DAB1: variants seen among roughly 807,000 people sequenced by gnomAD.
DAB1 encodes the protein DAB adaptor protein 1, also known as disabled homolog 1.
A neutral mutation model predicts 64.6 loss-of-function variants in DAB1; 15 were observed. That is an observed-to-expected ratio of 0.23 (90% CI 0.16 to 0.36). DAB1 has a LOEUF of 0.36. Ranked by LOEUF, DAB1 falls within the 10% of genes least tolerant of loss-of-function variation. The pLI, the probability that DAB1 is intolerant of heterozygous loss-of-function variation, is 1.00. For missense variants in DAB1, 596 were observed against 706.7 expected (o/e 0.84, Z 1.78); for synonymous variants, 235 against 251.9 (o/e 0.93, Z 0.64).
intron 6 of DAB1, among the ~76,000 whole-genome samples, chr1:57,675,748 A>G (rs1342170935): frequency 1.3e-5 from 2 of 152,226 alleles, no homozygotes; most frequent in African/African-American, 4.8e-5. Flanking sequence ...AATATAGTTC[A>G]TTATATAATA....
At chr1:57,415,751 G>A (rs1052496995) in intron 1 of DAB1, among the ~76,000 whole-genome samples, 6 of 152,096 alleles carry the variant, frequency 3.9e-5, no homozygotes, top group African/African-American at 7.2e-5. Context: ...AACATGGCCT[G>A]CAATTCAAGA....
At chr1:58,000,579 T>TG (rs1646492346) in intron 5 of DAB1, among the ~76,000 whole-genome samples, 1 of 145,166 alleles carries the variant, frequency 6.9e-6, no homozygotes. Context: ...TTTTTTTTTT[T>TG]TTTTTTTTTG....
chr1:57,408,784 G>A (rs1050569932), intron 1 of DAB1, among the ~76,000 whole-genome samples: 2 of 152,084 alleles, frequency 1.3e-5, no homozygotes, highest in East Asian at 1.9e-4. Context: ...TTATTTTCCC[G>A]CTCTATGAAC....
chr1:57,891,481 C>T (rs1326088475), intron 5 of DAB1, among the ~76,000 whole-genome samples: 1 of 152,136 alleles, frequency 6.6e-6, no homozygotes, highest in African/African-American at 2.4e-5. Flanking sequence ...CTAGAATTAC[C>T]ATTTGACCCA....
chr1:58,120,081 T>C (rs934534503), intron 5 of DAB1, among the ~76,000 whole-genome samples: 1 of 152,204 alleles, frequency 6.6e-6, no homozygotes, highest in Non-Finnish European at 1.5e-5. Context: ...TCTTTTGTGA[T>C]CAGGCATTTT....
intron 3 of DAB1, among the ~76,000 whole-genome samples, chr1:58,495,637 T>C (rs1238251751): frequency 6.6e-6 from 1 of 152,070 alleles, no homozygotes; most frequent in South Asian, 2.1e-4. Context: ...AAGAGCACTG[T>C]TGCAACCAAG....
intron 9 of DAB1, among the ~76,000 whole-genome samples, chr1:57,055,856 G>C (rs1179153058): frequency 6.6e-6 from 1 of 152,114 alleles, no homozygotes; most frequent in Non-Finnish European, 1.5e-5. Context: ...GCCTACCTTA[G>C]AAACAGTCTA....
chr1:57,020,109 C>CA (rs973372522), intron 11 of DAB1, among the ~76,000 whole-genome samples: 1,621 of 146,332 alleles, frequency 0.011, 33 homozygotes, highest in African/African-American at 0.037. Flanking sequence ...AAACAGTCAC[C>CA]AAAAAAAAAA....
At chr1:57,494,525 C>T (rs893411119) in intron 7 of DAB1, among the ~76,000 whole-genome samples, 1 of 152,220 alleles carries the variant, frequency 6.6e-6, no homozygotes, top group Non-Finnish European at 1.5e-5. Flanking sequence ...AACTGAGAAT[C>T]CCATTTGTGT....
chr1:57,122,616 T>A (rs1194979381), intron 4 of DAB1, among the ~76,000 whole-genome samples: 2 of 151,998 alleles, frequency 1.3e-5, no homozygotes, highest in Non-Finnish European at 2.9e-5. Flanking sequence ...AACTGATGAG[T>A]GCCATGGGAA....
intron 1 of DAB1, among the ~76,000 whole-genome samples, chr1:57,835,188 A>AC (rs1652756677): frequency 6.6e-6 from 1 of 152,168 alleles, no homozygotes; most frequent in Non-Finnish European, 1.5e-5. Context: ...AGACTAAAGA[A>AC]CAGTGGCTTT....
At chr1:57,204,276 G>C (rs187966094) in intron 2 of DAB1, among the ~76,000 whole-genome samples, 2 of 151,962 alleles carry the variant, frequency 1.3e-5, no homozygotes, top group South Asian at 4.2e-4. Flanking sequence ...TGCAATTTAC[G>C]TAACTTGGAA....
intron 3 of DAB1, among the ~76,000 whole-genome samples, chr1:58,411,357 C>T (rs1644666627): frequency 6.6e-6 from 1 of 152,132 alleles, no homozygotes; most frequent in Non-Finnish European, 1.5e-5. Context: ...GGCTCAATTT[C>T]CTCATATGGA....
chr1:57,443,646 A>G (rs1371466429), intron 7 of DAB1, among the ~76,000 whole-genome samples: 1 of 152,186 alleles, frequency 6.6e-6, no homozygotes. Context: ...CACACTTGTT[A>G]AATGCCTGGC....
intron 3 of DAB1, chr1:58,473,691 T>C: frequency 5.5e-6 from 2 of 361,802 alleles, no homozygotes; most frequent in Admixed American, 4.1e-5. Flanking sequence ...CAATAATGAA[T>C]GCTAGCCATT....
intron 6 of DAB1, among the ~76,000 whole-genome samples, chr1:57,694,782 C>T (rs1646804249): frequency 6.6e-6 from 1 of 152,100 alleles, no homozygotes; most frequent in Non-Finnish European, 1.5e-5. Context: ...CAGTGAACAA[C>T]TCATGGCCAC....
chr1:57,466,382 G>T (rs1686953438), intron 7 of DAB1, among the ~76,000 whole-genome samples: 1 of 151,514 alleles, frequency 6.6e-6, no homozygotes, highest in East Asian at 2.0e-4. Flanking sequence ...TCCTTTTTTA[G>T]AATTAGGAAA....
At chr1:57,730,228 T>A (rs56131812) in intron 6 of DAB1, among the ~76,000 whole-genome samples, 2 of 152,352 alleles carry the variant, frequency 1.3e-5, no homozygotes, top group African/African-American at 4.8e-5. Context: ...TCACTTAATC[T>A]TGTACACAGC....
chr1:58,055,558 A>T (rs1355420267), intron 5 of DAB1, among the ~76,000 whole-genome samples: 1 of 152,144 alleles, frequency 6.6e-6, no homozygotes, highest in Non-Finnish European at 1.5e-5. Flanking sequence ...ATCAGAATGT[A>T]AGCTCCTTGA....
Sources: gnomAD v4.1 joint callset for allele counts (sites outside exome capture counted in the v4.1 genomes callset) on GRCh38, gnomAD v4.1.1 for gene constraint, MANE v1.5 for transcripts, NCBI Gene and HGNC (gene_info 2026-07-23, HGNC 2026-07-21) for gene names.